The following TRRAP variants were observed in gnomAD, a reference collection of about 807,000 sequenced individuals.
TRRAP encodes transformation/transcription domain-associated protein.
Under a neutral mutation model 438.8 loss-of-function variants are expected in TRRAP, and 41 were observed. That is an observed-to-expected ratio of 0.09 (90% confidence interval 0.07 to 0.12). The LOEUF (loss-of-function observed/expected upper bound fraction) is 0.12, where lower values mean the gene tolerates loss of function less well. TRRAP is among the 10% of genes least tolerant of loss of function. The probability of loss-of-function intolerance (pLI) is 1.00; values close to 1 mark genes in which losing one functional copy is unlikely to be tolerated. For synonymous variants in TRRAP, 1,994 were observed against 1,962.9 expected (o/e 1.02, Z -0.42); for missense variants, 3,122 against 5,055.1 (o/e 0.62, Z 11.60).
chr7:98,952,639 C>T (rs1584353250), intron 39 of TRRAP, among the ~76,000 whole-genome samples: 1 of 152,146 alleles, frequency 6.6e-6, no homozygotes, highest in East Asian at 1.9e-4. Flanking sequence ...TTGTGCCTTT[C>T]TCTAAAAATG....
chr7:98,983,008 C>T (rs1031529232), intron 59 of TRRAP, among the ~76,000 whole-genome samples: 1 of 152,172 alleles, frequency 6.6e-6, no homozygotes, highest in Admixed American at 6.5e-5. Context: ...TACCATCGTT[C>T]TCCCAGTCTC....
rs1313742576 is a variant in TRRAP, at chr7:98,981,887, C to T, written c.8753C>T (p.Ala2918Val). ...LSFIERLVEM[A>V]SSLAIREWRR... is the part of the protein sequence containing the mutation. ...TTCATCGAGCGCCTGGTGGAGATGG[C>T]CAGCAGCCTGGCCATCCGCGAGTGG... The change falls in exon 59 of 73, where the codon GCC becomes GTC. Residue 2918 changes from alanine (A) to valine (V), a missense_variant. Transcript: ENST00000456197. The T allele has an allele frequency of 1.9e-6, 3 of 1,609,468 alleles. No individual in the cohort carries two copies. Among genetic ancestry groups the T allele is most frequent in the African/African-American group, 1.3e-5 (1 of 74,952 alleles).
intron 62 of TRRAP, among the ~76,000 whole-genome samples, 177 bp downstream of exon 62, chr7:98,985,221 A>G (rs1052801140): frequency 2.0e-5 from 3 of 152,238 alleles, no homozygotes; most frequent in African/African-American, 7.2e-5. Context: ...TGACAAATTG[A>G]TAAGCCTATT....
intron 63 of TRRAP, among the ~76,000 whole-genome samples, chr7:98,990,073 CA>C (rs1292726886): frequency 6.6e-6 from 1 of 152,054 alleles, no homozygotes; most frequent in Non-Finnish European, 1.5e-5. Flanking sequence ...ACTAAAAATA[CA>C]AAAATTAGCC....
In TRRAP at chr7:98,976,881, T is replaced by A; in HGVS notation, c.8248-58T>A. 8 of 1,606,460 alleles carry A rather than the reference T, an allele frequency of 5.0e-6. No individual in the cohort carries two copies. Among genetic ancestry groups the A allele is most frequent in the Non-Finnish European group, 6.8e-6 (8 of 1,175,736 alleles). On this transcript the variant is annotated intron_variant, in intron 55 of 72. Transcript: ENST00000456197. This position sits in a 1 kb window ranked among gnomAD's most constrained non-coding sequence, Gnocchi z 4.6. ...AATGACAGCACAGTGAAACTATTTT[T>A]AGGGGGGAAAAAAAGTCTCTGTCTC...
In TRRAP at chr7:99,011,988, GT is replaced by G; in HGVS notation, c.11338-81del. On this transcript the variant is annotated intron_variant, in intron 72 of 72. Coordinates refer to ENST00000456197, the MANE Select transcript of TRRAP (RefSeq NM_001375524.1). The surrounding 1 kb of genome is among the most constrained non-coding windows in gnomAD (Gnocchi z 7.1). ...TTGGTGGCCCTGAGCGGCCGCTGTG[GT>G]TGAGTCCCACCTTGTTAGGAAGCTG... 1 of 1,541,208 alleles carries G rather than the reference GT, an allele frequency of 6.5e-7. No homozygotes were observed. The highest frequency in any genetic ancestry group is 8.8e-7 in the Non-Finnish European group (1 of 1,137,650).
intron 31 of TRRAP, 53 bp downstream of exon 31, chr7:98,943,070 T>C (rs879988509): frequency 1.3e-6 from 2 of 1,594,766 alleles, no homozygotes; most frequent in Non-Finnish European, 1.7e-6. Flanking sequence ...GCTGGGTCAG[T>C]GCTAATGCCG....
chr7:98,910,121 G>A lies in TRRAP; in HGVS notation c.1416G>A (p.Lys472=). 1.2e-6 allele frequency: 2 copies of A among 1,608,162 alleles called. No individual in the cohort carries two copies. Among genetic ancestry groups the A allele is most frequent in the Non-Finnish European group, 1.7e-6 (2 of 1,177,026 alleles). The change falls in exon 15 of 73, where the codon AAG becomes AAA. Residue 472 remains lysine, a synonymous_variant. Coordinates refer to ENST00000456197, the MANE Select transcript of TRRAP (RefSeq NM_001375524.1). The part of the protein sequence containing the change: ...YQLSAIFKKC[K]PQSELGAVEA... ...TCTCTGCCATTTTTAAGAAGTGTAA[G>A]CCTCAGTCAGAACTTGGAGCCGTGG...
chr7:98,981,266 G>A (rs1008421228), intron 58 of TRRAP, among the ~76,000 whole-genome samples: 2 of 152,134 alleles, frequency 1.3e-5, no homozygotes, highest in African/African-American at 4.8e-5. Flanking sequence ...TCTGGGCATG[G>A]TGGCACACGC....
chr7:98,909,031 T>A, intron 14 of TRRAP, 69 bp downstream of exon 14: 1 of 1,437,542 alleles, frequency 7.0e-7, no homozygotes, highest in Non-Finnish European at 9.3e-7. Flanking sequence ...TTTTTTTTTT[T>A]TTTTTTTTTT....
chr7:98,962,661 G>A (rs1267454596), intron 47 of TRRAP, among the ~76,000 whole-genome samples: 1 of 152,220 alleles, frequency 6.6e-6, no homozygotes, highest in Admixed American at 6.5e-5. Context: ...ACAGGCTTTG[G>A]TGTGAGGGAT....
rs540137478 is a variant in TRRAP at position 98,972,793 on chromosome 7, C to T, written c.7839+848C>T. ...AACTACTTTTCGCAAGTGATTTTTA[C>T]GTTAAAATCTTTTGGTGACCTATGT... On this transcript the variant is annotated intron_variant, in intron 53 of 72. Transcript: ENST00000456197. Among the ~76,000 whole-genome samples, 27 of 152,300 alleles carry T rather than the reference C, an allele frequency of 1.8e-4. No homozygotes were observed. The South Asian group carries it at 2.5e-3, about 14-fold the overall frequency.
At chr7:98,950,359 AAT>A in intron 38 of TRRAP, 97 bp downstream of exon 38, 3 of 1,391,796 alleles carry the variant, frequency 2.2e-6, no homozygotes, top group Non-Finnish European at 3.0e-6. Context: ...GTCACTCTTG[AAT>A]AAATAGTAGA....
At chr7:98,967,311 G>A in intron 50 of TRRAP, 149 bp downstream of exon 50, 1 of 1,303,098 alleles carries the variant, frequency 7.7e-7, no homozygotes, top group Non-Finnish European at 1.1e-6. Context: ...CTACTTTGGT[G>A]TCATTAAAGG....
At position 99,012,027 on chromosome 7, in the gene TRRAP, G is replaced by C. The variant is rs774773407; in HGVS notation, c.11338-44G>C. On this transcript the variant is annotated intron_variant, in intron 72 of 72. Coordinates refer to ENST00000456197, the MANE Select transcript of TRRAP (RefSeq NM_001375524.1). This position sits in a 1 kb window ranked among gnomAD's most constrained non-coding sequence, Gnocchi z 5.9. The stretch of plus-strand genomic sequence containing the variant: ...TGTTAGGAAGCTGCCCCTGTGGGCT[G>C]TTCTTGGTTAAACACAAGTCGTCTC... 3.1e-6 allele frequency: 5 copies of C among 1,596,090 alleles called. No homozygotes were observed. The highest frequency in any genetic ancestry group is 4.3e-6 in the Non-Finnish European group (5 of 1,168,972).
At chr7:98,914,801 A>T (rs954246808) in intron 18 of TRRAP, among the ~76,000 whole-genome samples, 1 of 151,356 alleles carries the variant, frequency 6.6e-6, no homozygotes, top group Non-Finnish European at 1.5e-5. Context: ...AACAATTTTC[A>T]TAGAACTTTT....
rs1466566314 is a variant in TRRAP, at chr7:98,921,964, T to C, written c.2823+11T>C. ...CTCCCCATGGAGAAGGTAAGCTCTG[T>C]GACAATGTCGTTTCGTTTTAAGCCT... On this transcript the variant is annotated intron_variant, in intron 21 of 72. Coordinates refer to ENST00000456197, the MANE Select transcript of TRRAP (RefSeq NM_001375524.1). 6.2e-7 allele frequency: 1 copy of C among 1,614,226 alleles called. No homozygotes were observed. Among genetic ancestry groups the C allele is most frequent in the Non-Finnish European group, 8.5e-7 (1 of 1,180,018 alleles).
At chr7:98,970,346 C>G (rs1030234136) in intron 52 of TRRAP, 55 bp downstream of exon 52, 18 of 1,580,788 alleles carry the variant, frequency 1.1e-5, no homozygotes, top group African/African-American at 2.7e-5. Context: ...GGCCCCACAC[C>G]CCACGGGCAG....
chr7:98,985,709 T>C (rs143546097), intron 62 of TRRAP, among the ~76,000 whole-genome samples: 200 of 152,384 alleles, frequency 1.3e-3, no homozygotes, highest in African/African-American at 4.2e-3. Flanking sequence ...ATCTTCAGTC[T>C]GTGGGGCTTG....
Sources: gnomAD v4.1 joint callset for allele counts (sites outside exome capture counted in the v4.1 genomes callset) on GRCh38, gnomAD v4.1.1 for gene constraint, Gnocchi (gnomAD v3.1) non-coding constraint, MANE v1.5 for transcripts, NCBI Gene and HGNC (gene_info 2026-07-23, HGNC 2026-07-21) for gene names.